The following ADAMTS9 variants were observed in gnomAD, a reference collection of about 807,000 sequenced individuals.
ADAMTS9 encodes the protein ADAM metallopeptidase with thrombospondin type 1 motif 9, also known as A disintegrin and metalloproteinase with thrombospondin motifs 9.
ADAMTS9 carries 107 observed loss-of-function variants against 257.1 expected under a neutral mutation model. The observed-to-expected ratio is 0.42, with a 90% CI of 0.36 to 0.49. The LOEUF (loss-of-function observed/expected upper bound fraction) is 0.49, where lower values mean the gene tolerates loss of function less well. Ranked by LOEUF, ADAMTS9 falls within the 20% of genes least tolerant of loss-of-function variation. The pLI, the probability that ADAMTS9 is intolerant of heterozygous loss-of-function variation, is 0.03. For missense variants in ADAMTS9, 2,353 were observed against 2,469.1 expected (o/e 0.95, Z 1.00); for synonymous variants, 982 against 880.9 (o/e 1.11, Z -2.03).
At chr3:64,532,012 C>A (rs1293821231) in intron 38 of ADAMTS9, among the ~76,000 whole-genome samples, 4 of 152,170 alleles carry the variant, frequency 2.6e-5, no homozygotes, top group African/African-American at 9.7e-5. Flanking sequence ...GCTTTAAATT[C>A]TACTCCTGCC....
intron 28 of ADAMTS9, among the ~76,000 whole-genome samples, chr3:64,593,289 T>G (rs1356952830): frequency 6.6e-6 from 1 of 152,196 alleles, no homozygotes; most frequent in Non-Finnish European, 1.5e-5. Flanking sequence ...ATTAACCATG[T>G]CACTTCACTT....
At position 64,533,254 on chromosome 3, in the gene ADAMTS9, T is replaced by A. The variant is rs1421783701; in HGVS notation, c.5630A>T (p.Asn1877Ile). Residue 1877 changes from asparagine (N) to isoleucine (I), a missense_variant, in exon 38 of 40, where the codon AAC (asparagine) becomes ATC (isoleucine). Physicochemically the swap from Asn to Ile is moderately radical, Grantham distance 149 (BLOSUM62 -3). This residue lies in a region of ADAMTS9 where 1,402 missense variants were observed against 1,441.4 expected (regional missense o/e 0.97). Coordinates refer to ENST00000498707, the MANE Select transcript of ADAMTS9 (RefSeq NM_182920.2). ...AKCPQGRFSI[N>I]LYGTGLSLTE... ...TAAAGACAAGCCGGTTCCATAAAGG[T>A]TGATGCTAAAACGACCCTGGAAAAC... The A allele has an allele frequency of 6.2e-7, 1 of 1,613,958 alleles. No homozygotes were observed. The highest frequency in any genetic ancestry group is 1.3e-5 in the African/African-American group (1 of 74,902).
At chr3:64,592,302 C>T (rs1007058188) in intron 28 of ADAMTS9, 8 of 152,012 alleles carry the variant, frequency 5.3e-5, no homozygotes, top group Non-Finnish European at 1.0e-4. Context: ...TTTAAAAATG[C>T]GTGCACTTGC....
intron 30 of ADAMTS9, 79 bp from the exon 31 acceptor site, chr3:64,551,141 A>G: frequency 6.7e-7 from 1 of 1,484,048 alleles, no homozygotes; most frequent in South Asian, 1.2e-5. Flanking sequence ...TTACCTGTCT[A>G]CATAGCCTTT....
intron 28 of ADAMTS9, among the ~76,000 whole-genome samples, chr3:64,582,159 T>G (rs2084021178): frequency 6.6e-6 from 1 of 152,078 alleles, no homozygotes; most frequent in South Asian, 2.1e-4. Context: ...TATATAGCAT[T>G]TGCCATCTGC....
chr3:64,529,130 G>A (rs1261965005), intron 38 of ADAMTS9, among the ~76,000 whole-genome samples: 1 of 152,216 alleles, frequency 6.6e-6, no homozygotes, highest in Non-Finnish European at 1.5e-5. Context: ...GCACAGCTGG[G>A]AGGAAGACAC....
chr3:64,526,673 G>T (rs2082914077), intron 38 of ADAMTS9, among the ~76,000 whole-genome samples: 1 of 152,200 alleles, frequency 6.6e-6, no homozygotes, highest in Admixed American at 6.5e-5. Flanking sequence ...CAGCAGAGGA[G>T]CTAACCTGAA....
intron 3 of ADAMTS9, among the ~76,000 whole-genome samples, chr3:64,665,674 G>T (rs1701336929): frequency 6.6e-6 from 1 of 152,106 alleles, no homozygotes; most frequent in Admixed American, 6.5e-5. Context: ...ACTCCTAGTG[G>T]GGCAAATCAG....
chr3:64,637,495 TA>T lies in ADAMTS9; in HGVS notation c.1857-3617del, dbSNP rs1700528411. ...TTACACAGCCATGCCTGTTAATACA[TA>T]GAAAGGAAATTCAAGATGATGCATG... is the stretch of plus-strand genomic sequence containing the variant. On this transcript the variant is annotated intron_variant, in intron 12 of 39. Transcript: ENST00000498707. Among the ~76,000 whole-genome samples, 6 of 152,310 alleles carry T rather than the reference TA, an allele frequency of 3.9e-5. No homozygotes were observed. In the South Asian group the frequency reaches 1.0e-3, roughly 26 times the overall value.
At chr3:64,589,103 A>G (rs1270409106) in intron 28 of ADAMTS9, 2 of 152,244 alleles carry the variant, frequency 1.3e-5, no homozygotes, top group South Asian at 2.1e-4. Context: ...GATATTCCTT[A>G]TAGTCAAAAT....
chr3:64,659,903 C>G (rs1183855070), intron 3 of ADAMTS9, among the ~76,000 whole-genome samples: 2 of 152,026 alleles, frequency 1.3e-5, no homozygotes, highest in African/African-American at 4.8e-5. Context: ...TTCTTTGGCC[C>G]CACCCCAGGC....
In ADAMTS9 at chr3:64,603,923, G is replaced by C; in HGVS notation, c.3746C>G (p.Ser1249Cys). The C allele has an allele frequency of 6.2e-7, 1 of 1,613,632 alleles. No individual in the cohort carries two copies. ...ATTCCAAATAATCCACTGGCTTACA[G>C]AGCTCCAGTCCAAGGCCTTCCATTG... Reference protein sequence around the residue: ...CGQWKALDWSSCSVTCGQGRA... With the variant: ...CGQWKALDWSCCSVTCGQGRA... Residue 1249 changes from serine to cysteine, a missense_variant and splice_region_variant, in exon 25 of 40, where the codon TCT (serine) becomes TGT (cysteine). This residue lies in a region of ADAMTS9 where 1,402 missense variants were observed against 1,441.4 expected (regional missense o/e 0.97). Transcript: ENST00000498707.
At chr3:64,646,533 C>G (rs1217067855) in intron 11 of ADAMTS9, among the ~76,000 whole-genome samples, 1 of 152,086 alleles carries the variant, frequency 6.6e-6, no homozygotes, top group Non-Finnish European at 1.5e-5. Flanking sequence ...CGCTTGTATC[C>G]GTATAAACTT....
At chr3:64,600,926 A>G (rs1451652704) in intron 26 of ADAMTS9, among the ~76,000 whole-genome samples, 1 of 152,214 alleles carries the variant, frequency 6.6e-6, no homozygotes, top group Non-Finnish European at 1.5e-5. Context: ...ACTAGAAGGA[A>G]ACTAATAGTA....
chr3:64,646,012 G>T (rs892989138), intron 11 of ADAMTS9, among the ~76,000 whole-genome samples: 1 of 152,228 alleles, frequency 6.6e-6, no homozygotes. Context: ...GAGCTTGACA[G>T]CACGTTCATG....
rs1319173091 is a variant in ADAMTS9, at chr3:64,681,287, T to A, written c.593A>T (p.Glu198Val). 12 of 1,613,986 alleles carry A rather than the reference T, an allele frequency of 7.4e-6. No homozygotes were observed. In the East Asian group the frequency reaches 2.2e-4, roughly 30 times the overall value. Residue 198 changes from glutamate (E) to valine (V), a missense_variant, in exon 3 of 40, where the codon GAG (glutamate) becomes GTG (valine). Physicochemically the swap from Glu to Val is moderately radical, Grantham distance 121 (BLOSUM62 -2). Transcript: ENST00000498707. ...LQSMDEQEDE[E>V]EQNKPHIIYR... ...AATGATGTGGGGTTTGTTTTGTTCC[T>A]CTTCATCTTCTTGTTCATCCATAGA...
At chr3:64,668,477 C>A (rs184201061) in intron 3 of ADAMTS9, among the ~76,000 whole-genome samples, 1 of 152,262 alleles carries the variant, frequency 6.6e-6, no homozygotes, top group Admixed American at 6.5e-5. Context: ...GTGTGTAAAT[C>A]CCAGCTGCTC....
intron 28 of ADAMTS9, chr3:64,586,752 C>T (rs1576083484): frequency 6.6e-6 from 1 of 152,190 alleles, no homozygotes; most frequent in Non-Finnish European, 1.5e-5. Context: ...TAAATGACTA[C>T]ATTTACAGTC....
In ADAMTS9 at chr3:64,550,434, G is replaced by A. The variant is rs74851613; in HGVS notation, c.4869+458C>T. 7.4e-3 allele frequency: 1,140 copies of A among 154,054 alleles called. 37 individuals carry two copies. Among genetic ancestry groups the A allele is most frequent in the East Asian group, 0.049 (257 of 5,216 alleles). 9.5% of individuals were successfully genotyped at this position (154,054 alleles called of 1,614,324 possible). On this transcript the variant is annotated intron_variant, in intron 31 of 39. Transcript: ENST00000498707. ...CTCTTGAAAAATCAGGTCTGGTAACGCTAGACCACATTTCTGCATGGCCAC... is the reference window on the plus strand; with the variant it reads ...CTCTTGAAAAATCAGGTCTGGTAACACTAGACCACATTTCTGCATGGCCAC...
Sources: allele counts gnomAD v4.1 joint callset (sites outside exome capture counted in the v4.1 genomes callset), GRCh38; gene constraint gnomAD v4.1.1; regional missense constraint gnomAD v4.1.1; transcripts MANE v1.5; gene names NCBI Gene and HGNC (gene_info 2026-07-23, HGNC 2026-07-21).